EFNB2: variants seen among roughly 807,000 people sequenced by gnomAD.
The protein encoded by EFNB2 is ephrin B2.
EFNB2 carries 5 observed loss-of-function variants against 32.1 expected under a neutral mutation model. The observed-to-expected ratio is 0.16, with a 90% CI of 0.08 to 0.33. The LOEUF (loss-of-function observed/expected upper bound fraction) is 0.33, where lower values mean the gene tolerates loss of function less well. Among genes scored for constraint, EFNB2 ranks in the 10% least tolerant of loss-of-function variants. EFNB2 has a pLI of 1.00. For synonymous variants in EFNB2, 168 were observed against 166.5 expected, an observed-to-expected ratio of 1.01 and a Z score of -0.07; for missense variants, 263 against 422.6, an observed-to-expected ratio of 0.62 and a Z score of 3.31.
chr13:106,509,151 G>A (rs576184881), intron 2 of EFNB2, among the ~76,000 whole-genome samples: 73 of 152,204 alleles, frequency 4.8e-4, no homozygotes, highest in African/African-American at 1.7e-3. Context: ...AAATAAAATT[G>A]ACTTTCTCAT....
chr13:106,526,878 C>T (rs564294902), intron 1 of EFNB2, among the ~76,000 whole-genome samples: 1 of 152,332 alleles, frequency 6.6e-6, no homozygotes, highest in South Asian at 2.1e-4. Context: ...AGAAACACTT[C>T]TGGCTCTGAA....
At chr13:106,531,089 T>C (rs1197914951) in intron 1 of EFNB2, among the ~76,000 whole-genome samples, 3 of 152,218 alleles carry the variant, frequency 2.0e-5, no homozygotes, top group Admixed American at 2.0e-4. Context: ...TGTCTTTGCG[T>C]CGGCAGAACC....
chr13:106,533,809 A>T lies in EFNB2; in HGVS notation c.122+1034T>A, dbSNP rs1185887200. ...AGTTTCCCGAGACTACAATTCCAAGATTCTGTAAAATATGTTTTGGCTGTG... is the reference window on the plus strand; with the variant it reads ...AGTTTCCCGAGACTACAATTCCAAGTTTCTGTAAAATATGTTTTGGCTGTG... On this transcript the variant is annotated intron_variant, in intron 1 of 4. Transcript: ENST00000646441. Among the ~76,000 whole-genome samples, 4 of 152,138 alleles carry T rather than the reference A, an allele frequency of 2.6e-5. No homozygotes were observed. In the East Asian group the frequency reaches 7.7e-4, roughly 29 times the overall value.
chr13:106,501,042 T>C (rs972649476), intron 2 of EFNB2, among the ~76,000 whole-genome samples: 3 of 152,204 alleles, frequency 2.0e-5, no homozygotes, highest in African/African-American at 7.2e-5. Flanking sequence ...TTAGTGTGAA[T>C]ATACAACCTA....
chr13:106,520,727 C>T (rs868591488), intron 1 of EFNB2: 11 of 152,100 alleles, frequency 7.2e-5, no homozygotes, highest in Non-Finnish European at 1.5e-4. Context: ...GCAGGGCCTA[C>T]GAAAGACACA....
At chr13:106,522,416 T>C (rs1246951718) in intron 1 of EFNB2, among the ~76,000 whole-genome samples, 3 of 152,234 alleles carry the variant, frequency 2.0e-5, no homozygotes, top group African/African-American at 4.8e-5. Flanking sequence ...ATGGTTTACA[T>C]AGAGAAAGAA....
chr13:106,523,258 G>T (rs1229108742), intron 1 of EFNB2, among the ~76,000 whole-genome samples: 1 of 152,126 alleles, frequency 6.6e-6, no homozygotes, highest in Non-Finnish European at 1.5e-5. Context: ...ATCAGACTGG[G>T]TTCCTGACTT....
At chr13:106,510,396 T>C (rs1204650478) in intron 2 of EFNB2, among the ~76,000 whole-genome samples, 2 of 152,248 alleles carry the variant, frequency 1.3e-5, no homozygotes, top group Admixed American at 6.5e-5. Context: ...AAACTCTTAA[T>C]GTTTACTAAA....
At chr13:106,507,334 A>T in intron 2 of EFNB2, among the ~76,000 whole-genome samples, 1 of 152,226 alleles carries the variant, frequency 6.6e-6, no homozygotes, top group Non-Finnish European at 1.5e-5. Flanking sequence ...GACATTTGAA[A>T]GCTCCTGTAA....
chr13:106,519,813 AT>A (rs548463221), intron 1 of EFNB2: 27 of 152,268 alleles, frequency 1.8e-4, no homozygotes, highest in Admixed American at 6.5e-4. Flanking sequence ...TTAAAACATT[AT>A]TTTTTTAATG....
At chr13:106,534,203 G>A (rs1879977662) in intron 1 of EFNB2, among the ~76,000 whole-genome samples, 1 of 152,116 alleles carries the variant, frequency 6.6e-6, no homozygotes, top group African/African-American at 2.4e-5. Context: ...TCAGGGAGAA[G>A]CCTAAGGCCC....
rs536635769 is a variant in EFNB2 at position 106,535,572 on chromosome 13, G to A, written c.-608C>T. On this transcript the variant is annotated 5_prime_UTR_variant, in exon 1 of 5. Transcript: ENST00000646441. Reference sequence around the variant, plus strand: ...CCGCCGCGGGCTCCGGACGCGCGCGGGCCTTTGTGTGCGGGGAGGGCGCCG... The same window carrying A: ...CCGCCGCGGGCTCCGGACGCGCGCGAGCCTTTGTGTGCGGGGAGGGCGCCG... The A allele has an allele frequency of 3.9e-4, 59 of 150,552 alleles. No homozygotes were observed. The highest frequency in any genetic ancestry group is 1.4e-3 in the African/African-American group (56 of 41,290). The allele number at this position is 150,552 out of a possible 1,614,324, so 9.3% of individuals were successfully genotyped here.
intron 1 of EFNB2, among the ~76,000 whole-genome samples, chr13:106,534,480 A>G (rs1298825736): frequency 6.6e-6 from 1 of 152,192 alleles, no homozygotes; most frequent in African/African-American, 2.4e-5. Context: ...AGAGCCCACC[A>G]GTCCCCGCGT....
chr13:106,534,064 A>G (rs1032838542), intron 1 of EFNB2, among the ~76,000 whole-genome samples: 4 of 152,150 alleles, frequency 2.6e-5, no homozygotes, highest in Non-Finnish European at 5.9e-5. Context: ...AGGCTTCAGG[A>G]GCAGTGTCGA....
In EFNB2 at chr13:106,494,949, C is replaced by T. The variant is rs777601389; in HGVS notation, c.545G>A (p.Arg182His). The T allele has an allele frequency of 2.3e-5, 37 of 1,614,042 alleles. No individual in the cohort carries two copies. The highest frequency in any genetic ancestry group is 8.0e-5 in the African/African-American group (6 of 74,938). Residue 182 changes from arginine to histidine, a missense_variant, in exon 4 of 5, where the codon CGT becomes CAT. This residue lies in a region of EFNB2 where 172 missense variants were observed against 237.1 expected (regional missense o/e 0.73). Transcript: ENST00000646441. ...GSTRNKDPTR[R>H]PELEAGTNGR... ...ATTTGTACCAGCTTCTAGTTCTGGA[C>T]GTCTTGTTGGATCTTTATTCCTGGT...
chr13:106,525,593 TCTA>T (rs752010890), intron 1 of EFNB2, among the ~76,000 whole-genome samples: 1 of 152,208 alleles, frequency 6.6e-6, no homozygotes, highest in Non-Finnish European at 1.5e-5. Flanking sequence ...ATTTCAGCTG[TCTA>T]CTGTGACTTT....
intron 1 of EFNB2, chr13:106,521,103 C>G (rs933942515): frequency 6.6e-6 from 1 of 151,734 alleles, no homozygotes; most frequent in African/African-American, 2.4e-5. Flanking sequence ...TCACACTTTC[C>G]TAAAACAAAT....
At chr13:106,524,124 C>A (rs757332891) in intron 1 of EFNB2, among the ~76,000 whole-genome samples, 1 of 151,856 alleles carries the variant, frequency 6.6e-6, no homozygotes, top group Non-Finnish European at 1.5e-5. Flanking sequence ...CTTATTATAC[C>A]CAAGATTTGA....
chr13:106,501,591 T>A (rs1216080122), intron 2 of EFNB2, among the ~76,000 whole-genome samples: 1 of 151,866 alleles, frequency 6.6e-6, no homozygotes, highest in Non-Finnish European at 1.5e-5. Flanking sequence ...GAAGAATTTA[T>A]TTTCCTTTTT....
Sources: gnomAD v4.1 joint callset for allele counts (sites outside exome capture counted in the v4.1 genomes callset) on GRCh38, gnomAD v4.1.1 for gene constraint, gnomAD v4.1.1 regional missense constraint, MANE v1.5 for transcripts, NCBI Gene and HGNC (gene_info 2026-07-23, HGNC 2026-07-21) for gene names.